PNPT1: variants seen among roughly 807,000 people sequenced by gnomAD.
PNPT1 encodes polyribonucleotide nucleotidyltransferase 1, also known as polyribonucleotide nucleotidyltransferase 1, mitochondrial.
Under a neutral mutation model 119.5 loss-of-function variants are expected in PNPT1, and 53 were observed. The observed-to-expected ratio is 0.44, with a 90% CI of 0.36 to 0.56. The LOEUF (loss-of-function observed/expected upper bound fraction) is 0.56, where lower values mean the gene tolerates loss of function less well. PNPT1 is among the 20% of genes least tolerant of loss of function. PNPT1 has a pLI of 0.00. For missense variants in PNPT1, 948 were observed against 938.5 expected, an observed-to-expected ratio of 1.01 and a Z score of -0.13; for synonymous variants, 357 against 322.1, an observed-to-expected ratio of 1.11 and a Z score of -1.16.
In PNPT1 at chr2:55,645,422, CT is replaced by C. The variant is rs35239216; in HGVS notation, c.1748del (p.Lys583ArgfsTer7). ...TTTTGTTCATGATCTGTAATATCTC[CT>C]TTTTTGCCACTAGAAGAGAAAAACA... ...EAIQQASVAK[K>X]EILQIMNKTI... On this transcript the variant is annotated frameshift_variant, in exon 22 of 28. Transcript: ENST00000447944. LOFTEE classifies it high-confidence loss of function. The C allele has an allele frequency of 6.2e-7, 1 of 1,608,208 alleles. No homozygotes were observed.
intron 14 of PNPT1, among the ~76,000 whole-genome samples, 184 bp from the exon 15 acceptor site, chr2:55,660,377 G>A (rs1356714811): frequency 6.6e-6 from 1 of 152,114 alleles, no homozygotes; most frequent in Non-Finnish European, 1.5e-5. Flanking sequence ...TTCTTCTGGG[G>A]CTTATGAATG....
At chr2:55,682,729 GA>G (rs1697286721) in intron 5 of PNPT1, among the ~76,000 whole-genome samples, 1 of 151,988 alleles carries the variant, frequency 6.6e-6, no homozygotes, top group African/African-American at 2.4e-5. Flanking sequence ...CTTACATAGT[GA>G]AACCCCCTCT....
chr2:55,660,629 A>T (rs1696535569), intron 14 of PNPT1, among the ~76,000 whole-genome samples: 1 of 152,202 alleles, frequency 6.6e-6, no homozygotes, highest in South Asian at 2.1e-4. Context: ...CTTTGGAAAA[A>T]GAAATCTAAA....
At chr2:55,669,754 T>C (rs1198859744) in intron 11 of PNPT1, among the ~76,000 whole-genome samples, 1 of 113,974 alleles carries the variant, frequency 8.8e-6, no homozygotes, top group Non-Finnish European at 1.7e-5. Flanking sequence ...ATATCAATGC[T>C]AACAGCACTT....
At chr2:55,646,543 T>C in intron 19 of PNPT1, 57 bp from the exon 20 acceptor site, 3 of 1,394,996 alleles carry the variant, frequency 2.2e-6, no homozygotes, top group Non-Finnish European at 2.0e-6. Flanking sequence ...AGTCAACATA[T>C]TCACTGTAGA....
intron 14 of PNPT1, among the ~76,000 whole-genome samples, chr2:55,660,624 G>A (rs1696535470): frequency 6.6e-6 from 1 of 152,136 alleles, no homozygotes; most frequent in Non-Finnish European, 1.5e-5. Flanking sequence ...TGTAGCTTTG[G>A]AAAAAGAAAT....
chr2:55,646,712 T>A (rs894358142), intron 19 of PNPT1, among the ~76,000 whole-genome samples: 56 of 152,342 alleles, frequency 3.7e-4, no homozygotes, highest in Admixed American at 1.2e-3. Flanking sequence ...CTTTCCCTCA[T>A]AAATGCCTGA....
At chr2:55,668,268 A>T (rs1696801229) in intron 11 of PNPT1, among the ~76,000 whole-genome samples, 1 of 152,078 alleles carries the variant, frequency 6.6e-6, no homozygotes, top group Non-Finnish European at 1.5e-5. Context: ...ACAAAGTCTC[A>T]CTCTGTTGTC....
Position 55,672,988 on chromosome 2 carries a change from C to T in PNPT1, c.771G>A (p.Gln257=). Residue 257 remains glutamine, a synonymous_variant, in exon 9 of 28, where the codon CAG becomes CAA. Coordinates refer to ENST00000447944, the MANE Select transcript of PNPT1 (RefSeq NM_033109.5). ...VGVKYTQQII[Q]GIQQLVKETG... is the part of the protein sequence containing the mutation. ...TTTCTTTTACCAACTGCTGAATGCC[C>T]TGAATTATTTGTTGGGTATATTTCA... 1 of 1,613,330 alleles carries T rather than the reference C, an allele frequency of 6.2e-7. No individual in the cohort carries two copies.
At chr2:55,663,781 A>G (rs1696651882) in intron 13 of PNPT1, among the ~76,000 whole-genome samples, 1 of 152,030 alleles carries the variant, frequency 6.6e-6, no homozygotes, top group South Asian at 2.1e-4. Flanking sequence ...GATAGAGACC[A>G]TCCTGGCTAA....
At chr2:55,645,903 C>A (rs1425767513) in intron 21 of PNPT1, among the ~76,000 whole-genome samples, 1 of 152,142 alleles carries the variant, frequency 6.6e-6, no homozygotes, top group Admixed American at 6.5e-5. Flanking sequence ...TCTCGGCTCA[C>A]TGTAACCTCT....
intron 14 of PNPT1, among the ~76,000 whole-genome samples, chr2:55,661,179 A>C (rs1572813619): frequency 7.8e-6 from 1 of 128,898 alleles, no homozygotes; most frequent in Admixed American, 1.0e-4. Flanking sequence ...TGCAACCTCC[A>C]CCTCCTGGGT....
At chr2:55,683,658 G>A in intron 5 of PNPT1, 127 bp downstream of exon 5, 1 of 636,110 alleles carries the variant, frequency 1.6e-6, no homozygotes, top group Non-Finnish European at 2.5e-6. Context: ...AAAACGTAAT[G>A]TAAAATATAA....
At position 55,640,382 on chromosome 2, in the gene PNPT1, G is replaced by A. The variant is rs1695799642; in HGVS notation, c.2148+245C>T. Among the ~76,000 whole-genome samples the A allele has an allele frequency of 2.0e-5, 3 of 152,286 alleles. No homozygotes were observed. In the South Asian group the frequency reaches 6.2e-4, roughly 32 times the overall value. The stretch of plus-strand genomic sequence containing the variant: ...TTGGTCAGGATGGTCTCCATTTCTT[G>A]ACCTTGTGATTCACCCGCCTCGGAC... On this transcript the variant is annotated intron_variant, in intron 26 of 27. Transcript: ENST00000447944.
intron 8 of PNPT1, among the ~76,000 whole-genome samples, chr2:55,673,332 T>G (rs1198580455): frequency 6.7e-6 from 1 of 148,672 alleles, no homozygotes; most frequent in Non-Finnish European, 1.5e-5. Context: ...CCATAAAAAA[T>G]GAAACAGAAA....
intron 21 of PNPT1, among the ~76,000 whole-genome samples, chr2:55,645,979 C>T (rs1299981069): frequency 6.6e-6 from 1 of 152,034 alleles, no homozygotes. Context: ...AGGTATGCAC[C>T]ACCATGCCCG....
chr2:55,683,181 T>G (rs897839789), intron 5 of PNPT1, among the ~76,000 whole-genome samples: 4 of 152,194 alleles, frequency 2.6e-5, no homozygotes, highest in African/African-American at 9.6e-5. Context: ...GTAGTCACGC[T>G]GATCTTCTTT....
In PNPT1 at chr2:55,644,946, G is replaced by A. The variant is rs113782020; in HGVS notation, c.1823-226C>T. On this transcript the variant is annotated intron_variant, in intron 22 of 27. Transcript: ENST00000447944. Reference sequence around the variant, plus strand: ...AAAGTATTTAAAATATTTTCGTTTTGTGCACTGGGTAAAAACAATTTAAAA... The same window carrying A: ...AAAGTATTTAAAATATTTTCGTTTTATGCACTGGGTAAAAACAATTTAAAA... 4,302 of 387,676 alleles carry A rather than the reference G, an allele frequency of 0.011. 164 individuals are homozygous for A. The highest frequency in any genetic ancestry group is 0.081 in the African/African-American group (3,889 of 47,894). 24.0% of individuals were successfully genotyped at this position (387,676 alleles called of 1,614,324 possible). A position where few individuals can be genotyped will look rare whatever the true frequency, so the allele number is the denominator to read the frequency against.
intron 13 of PNPT1, among the ~76,000 whole-genome samples, chr2:55,665,593 T>TA (rs1696707598): frequency 6.6e-6 from 1 of 152,056 alleles, no homozygotes; most frequent in Non-Finnish European, 1.5e-5. Flanking sequence ...AGAAAATTCA[T>TA]AAAAGGGCAA....
Sources: gnomAD v4.1 joint callset for allele counts (sites outside exome capture counted in the v4.1 genomes callset) on GRCh38, gnomAD v4.1.1 for gene constraint, MANE v1.5 for transcripts, NCBI Gene and HGNC (gene_info 2026-07-23, HGNC 2026-07-21) for gene names.